The following FDFT1 variants were observed in gnomAD, a reference collection of about 807,000 sequenced individuals.
The protein encoded by FDFT1 is squalene synthase.
FDFT1 carries 68 observed loss-of-function variants against 46.8 expected under a neutral mutation model. The ratio of observed to expected loss-of-function variants is 1.45; its 90% CI spans 1.19 to 1.78. The LOEUF (loss-of-function observed/expected upper bound fraction) is 1.78. Among genes scored for constraint, FDFT1 ranks in the 40% most tolerant of loss-of-function variants. FDFT1 has a pLI of 0.00. For synonymous variants in FDFT1, 351 were observed against 185.1 expected (o/e 1.90, Z -7.28); for missense variants, 928 against 524.4 (o/e 1.77, Z -7.52).
At chr8:11,807,299 C>A (rs1011943746) in intron 1 of FDFT1, among the ~76,000 whole-genome samples, 1 of 152,110 alleles carries the variant, frequency 6.6e-6, no homozygotes, top group Non-Finnish European at 1.5e-5. Context: ...TATAGGTGGG[C>A]GCCACCACAC....
At chr8:11,823,204 C>G (rs1275137596) in intron 4 of FDFT1, among the ~76,000 whole-genome samples, 1 of 152,174 alleles carries the variant, frequency 6.6e-6, no homozygotes, top group Non-Finnish European at 1.5e-5. Flanking sequence ...AGTCCTCCCA[C>G]TCTGGCCTCT....
chr8:11,832,551 C>CAAAAAAAAAAGAAA (rs1810950878), intron 7 of FDFT1, among the ~76,000 whole-genome samples: 1 of 36,358 alleles, frequency 2.8e-5, no homozygotes, highest in Non-Finnish European at 5.5e-5. Flanking sequence ...GACTTTGTCT[C>CAAAAAAAAAAGAAA]AAAAAAAAAA....
intron 3 of FDFT1, among the ~76,000 whole-genome samples, chr8:11,819,559 C>G (rs1433199100): frequency 6.6e-6 from 1 of 151,950 alleles, no homozygotes; most frequent in African/African-American, 2.4e-5. Context: ...ATTCTTTTTT[C>G]TCTAATCTTG....
exon 1 of FDFT1, chr8:11,795,609 G>GC (rs1325848238): frequency 6.7e-6 from 1 of 148,686 alleles, no homozygotes; most frequent in Non-Finnish European, 1.5e-5. Flanking sequence ...GCTTTACAAC[G>GC]CTTGGGAAGC....
intron 5 of FDFT1, among the ~76,000 whole-genome samples, chr8:11,829,124 G>T (rs549855742): frequency 1.3e-5 from 2 of 149,288 alleles, no homozygotes; most frequent in South Asian, 2.2e-4. Flanking sequence ...TCAGCAGTGT[G>T]AGAGTCCCAG....
chr8:11,805,363 A>C (rs78753167), intron 1 of FDFT1, among the ~76,000 whole-genome samples: 1 of 152,236 alleles, frequency 6.6e-6, no homozygotes, highest in Admixed American at 6.5e-5. Flanking sequence ...CAGTAAATCT[A>C]CGGGCATATG....
At chr8:11,802,186 C>T (rs565462236), upstream of FDFT1, 11 of 439,378 alleles carry the variant, frequency 2.5e-5, no homozygotes, top group Admixed American at 5.0e-5. Flanking sequence ...GGCAGGCGAG[C>T]TGGGCTGTGC....
intron 3 of FDFT1, among the ~76,000 whole-genome samples, chr8:11,816,182 G>C (rs988962399): frequency 6.6e-6 from 1 of 152,160 alleles, no homozygotes; most frequent in Admixed American, 6.5e-5. Context: ...GGCTGTAGAT[G>C]TGTAGTGTTA....
chr8:11,814,280 G>A (rs56373609), intron 3 of FDFT1, among the ~76,000 whole-genome samples: 2,319 of 150,544 alleles, frequency 0.015, 27 homozygotes, highest in Non-Finnish European at 0.022. Flanking sequence ...AGTTCTGGAA[G>A]TACCAGATTG....
intron 3 of FDFT1, among the ~76,000 whole-genome samples, chr8:11,820,961 G>T (rs903062041): frequency 1.3e-5 from 2 of 152,216 alleles, no homozygotes; most frequent in Non-Finnish European, 2.9e-5. Context: ...GATCTTGCTG[G>T]GAGCTGTAGA....
Position 11,821,208 on chromosome 8 carries a change from G to C in FDFT1, c.382-542G>C, listed in dbSNP as rs79056629. 1.7e-3 allele frequency among the ~76,000 whole-genome samples: 263 copies of C among 152,350 alleles called. 2 individuals are homozygous for C. Among genetic ancestry groups the C allele is most frequent in the South Asian group, 8.1e-3 (39 of 4,830 alleles). ...TCATTATACATTGGAAAGATGAAAT[G>C]TGTAGTGAGACTTTGAATCTTCTTT... is the stretch of plus-strand genomic sequence containing the variant. On this transcript the variant is annotated intron_variant, in intron 3 of 7. Coordinates refer to ENST00000220584, the MANE Select transcript of FDFT1 (RefSeq NM_004462.5).
chr8:11,823,729 C>T (rs991430688), intron 4 of FDFT1, among the ~76,000 whole-genome samples: 3 of 151,916 alleles, frequency 2.0e-5, no homozygotes, highest in African/African-American at 7.3e-5. Flanking sequence ...TGCCACCATG[C>T]CTGGCTAATT....
rs1187689445 is a variant in FDFT1 at position 11,830,298 on chromosome 8, G to A, written c.757G>A (p.Asp253Asn). ...GGATTTTGCTAAGCCGGAGAATATT[G>A]ACTTGGCCGTGCAGTGCCTGAATGA... Reference protein sequence around the residue: ...LGDFAKPENIDLAVQCLNELI... With the variant: ...LGDFAKPENINLAVQCLNELI... The change falls in exon 6 of 8, where the codon GAC (aspartate) becomes AAC (asparagine). Residue 253 changes from aspartate (D) to asparagine (N), a missense_variant. Coordinates refer to ENST00000220584, the MANE Select transcript of FDFT1 (RefSeq NM_004462.5). The A allele has an allele frequency of 1.2e-6, 2 of 1,613,880 alleles. No homozygotes were observed. Among genetic ancestry groups the A allele is most frequent in the Admixed American group, 1.7e-5 (1 of 60,000 alleles).
chr8:11,798,551 GGAGA>G (rs1264817875), upstream of FDFT1, among the ~76,000 whole-genome samples: 2 of 152,216 alleles, frequency 1.3e-5, no homozygotes, highest in Non-Finnish European at 2.9e-5. Context: ...GTGGATATAA[GGAGA>G]GAAAGGGCGT....
At position 11,826,022 on chromosome 8, in the gene FDFT1, A is replaced by G; in HGVS notation, c.511-2A>G. ...AAGTGCTTTAAAAATCGTCTCTTAC[A>G]GTACTGCCACTATGTTGCTGGGCTG... On this transcript the variant is annotated splice_acceptor_variant, in intron 4 of 7. Transcript: ENST00000220584. LOFTEE classifies it high-confidence loss of function. 6.4e-7 allele frequency: 1 copy of G among 1,550,508 alleles called. No homozygotes were observed. Among genetic ancestry groups the G allele is most frequent in the Non-Finnish European group, 8.8e-7 (1 of 1,137,030 alleles).
At chr8:11,816,082 A>G (rs1481560894) in intron 3 of FDFT1, among the ~76,000 whole-genome samples, 2 of 152,244 alleles carry the variant, frequency 1.3e-5, no homozygotes, top group East Asian at 1.9e-4. Flanking sequence ...AGCTTTCTAC[A>G]TATGGCAAGC....
Position 11,836,927 on chromosome 8 carries a change from C to T in FDFT1, c.1033-1461C>T, listed in dbSNP as rs552138721. Among the ~76,000 whole-genome samples the T allele has an allele frequency of 1.3e-4, 20 of 152,294 alleles. No individual in the cohort carries two copies. The South Asian group carries it at 3.7e-3, about 28-fold the overall frequency. On this transcript the variant is annotated intron_variant, in intron 7 of 7. Transcript: ENST00000220584. ...ACGCTTGCTGTGTGCCAGCACAGGG[C>T]TAGGCTGGAGATAAAAAGGTGAGTA... is the stretch of plus-strand genomic sequence containing the variant.
In FDFT1 at chr8:11,838,875, T is replaced by G. The variant is rs752202376; in HGVS notation, c.*266T>G. ...TGGCAGAGCATTCAGTGCCACGGTTTAGGTGAAGTCGCTGCATATGTGACT... is the reference window on the plus strand; with the variant it reads ...TGGCAGAGCATTCAGTGCCACGGTTGAGGTGAAGTCGCTGCATATGTGACT... On this transcript the variant is annotated 3_prime_UTR_variant, in exon 8 of 8. Coordinates refer to ENST00000220584, the MANE Select transcript of FDFT1 (RefSeq NM_004462.5). 21 of 473,108 alleles carry G rather than the reference T, an allele frequency of 4.4e-5. No individual in the cohort carries two copies. Among genetic ancestry groups the G allele is most frequent in the Non-Finnish European group, 7.3e-5 (19 of 261,542 alleles). 29.3% of individuals were successfully genotyped at this position (473,108 alleles called of 1,614,324 possible). A position where few individuals can be genotyped will look rare whatever the true frequency, so the allele number is the denominator to read the frequency against.
chr8:11,807,044 T>G lies in FDFT1; in HGVS notation c.100-1750T>G, dbSNP rs190231853. ...TATATACAAATAAAAACAACATAGTTCACTTAAACCTCCCACCAGAGCCCA... is the reference window on the plus strand; with the variant it reads ...TATATACAAATAAAAACAACATAGTGCACTTAAACCTCCCACCAGAGCCCA... On this transcript the variant is annotated intron_variant, in intron 1 of 7. Transcript: ENST00000220584. 3.0e-3 allele frequency among the ~76,000 whole-genome samples: 460 copies of G among 152,122 alleles called. 2 individuals are homozygous for G. Among genetic ancestry groups the G allele is most frequent in the Non-Finnish European group, 4.8e-3 (329 of 68,008 alleles).
Sources: gnomAD v4.1 joint callset for allele counts (sites outside exome capture counted in the v4.1 genomes callset) on GRCh38, gnomAD v4.1.1 for gene constraint, MANE v1.5 for transcripts, NCBI Gene and HGNC (gene_info 2026-07-23, HGNC 2026-07-21) for gene names.